Variants in NFE2L2 observed in about 807,000 individuals in gnomAD.
The protein encoded by NFE2L2 is nuclear factor erythroid 2-related factor 2.
NFE2L2 carries 20 observed loss-of-function variants against 49.6 expected under a neutral mutation model. The observed-to-expected ratio is 0.40, with a 90% CI of 0.28 to 0.59. The LOEUF is 0.59. Ranked by LOEUF, NFE2L2 falls within the 20% of genes least tolerant of loss-of-function variation. The pLI is 0.40. For missense variants in NFE2L2, 578 were observed against 714.2 expected, an observed-to-expected ratio of 0.81 and a Z score of 2.17; for synonymous variants, 244 against 256.5, an observed-to-expected ratio of 0.95 and a Z score of 0.47.
chr2:177,234,368 G>T (rs1689668648), intron 1 of NFE2L2, 97 bp from the exon 2 acceptor site: 2 of 1,326,222 alleles, frequency 1.5e-6, no homozygotes, highest in Non-Finnish European at 2.0e-6. Flanking sequence ...TTGATGGTGG[G>T]AAGTGGGGAG....
chr2:177,251,691 C>T (rs537832847), intron 1 of NFE2L2, among the ~76,000 whole-genome samples: 3 of 152,176 alleles, frequency 2.0e-5, no homozygotes, highest in South Asian at 2.1e-4. Flanking sequence ...CAAAAAAGGG[C>T]GTGAGTGTTT....
intron 1 of NFE2L2, among the ~76,000 whole-genome samples, chr2:177,250,305 G>A (rs1034194698): frequency 2.7e-4 from 41 of 152,106 alleles, no homozygotes; most frequent in Admixed American, 1.3e-4. Context: ...AAATTAACCC[G>A]GAGTTCAGAA....
intron 1 of NFE2L2, among the ~76,000 whole-genome samples, chr2:177,238,318 A>G (rs763742233): frequency 3.3e-4 from 51 of 152,338 alleles, no homozygotes; most frequent in Non-Finnish European, 5.9e-4. Flanking sequence ...CCTTACAACC[A>G]ACCCTCATGA....
At chr2:177,261,622 T>C (rs1690745912) in intron 1 of NFE2L2, among the ~76,000 whole-genome samples, 2 of 152,224 alleles carry the variant, frequency 1.3e-5, no homozygotes, top group Non-Finnish European at 2.9e-5. Context: ...TAATGCCTGA[T>C]CTAACTATTA....
At chr2:177,237,703 G>C (rs1689797307) in intron 1 of NFE2L2, among the ~76,000 whole-genome samples, 1 of 152,070 alleles carries the variant, frequency 6.6e-6, no homozygotes, top group Non-Finnish European at 1.5e-5. Flanking sequence ...ATTTTTAGTA[G>C]AGACAGGATT....
rs1238609372 is a variant in NFE2L2, at chr2:177,232,600, A to C, written c.403-17T>G. On this transcript the variant is annotated splice_polypyrimidine_tract_variant and intron_variant, in intron 3 of 4. Coordinates refer to ENST00000397062, the MANE Select transcript of NFE2L2 (RefSeq NM_006164.5). ...CGAAGAAACCTAAAATTGATAAGGC[A>C]TTGATTTATGAGTCTTCCACCAACA... is the stretch of plus-strand genomic sequence containing the variant. 4 of 1,612,176 alleles carry C rather than the reference A, an allele frequency of 2.5e-6. No homozygotes were observed. The East Asian group carries it at 8.9e-5, about 36-fold the overall frequency.
At chr2:177,233,133 C>G (rs778579226) in intron 3 of NFE2L2, 117 bp downstream of exon 3, 1 of 885,336 alleles carries the variant, frequency 1.1e-6, no homozygotes, top group Non-Finnish European at 1.7e-6. Context: ...AAATTTCCTC[C>G]TAAAAATGTT....
chr2:177,239,607 G>A (rs753196126), intron 1 of NFE2L2, among the ~76,000 whole-genome samples: 2 of 152,118 alleles, frequency 1.3e-5, no homozygotes, highest in African/African-American at 2.4e-5. Context: ...AGCCCAGGAG[G>A]TCGAGGCTGC....
intron 1 of NFE2L2, among the ~76,000 whole-genome samples, chr2:177,247,514 A>T (rs186271356): frequency 1.0e-3 from 153 of 152,134 alleles, no homozygotes; most frequent in African/African-American, 3.4e-3. Context: ...ACAAAAAATT[A>T]GCCGGGCGTG....
intron 1 of NFE2L2, among the ~76,000 whole-genome samples, chr2:177,244,601 CTG>C (rs1690059142): frequency 2.0e-5 from 3 of 152,200 alleles, no homozygotes; most frequent in Admixed American, 2.0e-4. Flanking sequence ...AACTGGCCTA[CTG>C]TGTGAATATC....
chr2:177,246,293 T>C (rs1332174553), intron 1 of NFE2L2, among the ~76,000 whole-genome samples: 1 of 152,196 alleles, frequency 6.6e-6, no homozygotes, highest in Non-Finnish European at 1.5e-5. Context: ...ATAAAGCCAG[T>C]AATTACCCCA....
intron 1 of NFE2L2, among the ~76,000 whole-genome samples, chr2:177,259,829 G>A (rs758123467): frequency 6.6e-6 from 1 of 152,138 alleles, no homozygotes; most frequent in Non-Finnish European, 1.5e-5. Context: ...CTACTCGGGA[G>A]GCTGGGGCAG....
intron 1 of NFE2L2, chr2:177,263,428 C>G: frequency 1.0e-6 from 1 of 985,470 alleles, no homozygotes; most frequent in Non-Finnish European, 1.2e-6. Context: ...AGAGAATATC[C>G]CGTCTTACAC....
At chr2:177,247,327 G>C (rs752832516) in intron 1 of NFE2L2, among the ~76,000 whole-genome samples, 9 of 151,838 alleles carry the variant, frequency 5.9e-5, no homozygotes, top group Non-Finnish European at 1.2e-4. Flanking sequence ...TTCAAAATTG[G>C]GCCCTTCCCA....
intron 3 of NFE2L2, chr2:177,232,853 C>T (rs988612029): frequency 9.9e-6 from 5 of 503,590 alleles, no homozygotes; most frequent in Non-Finnish European, 1.8e-5. Flanking sequence ...TATATAATAT[C>T]TAGCACAGTG....
In NFE2L2 at chr2:177,263,861, C is replaced by G. The variant is rs546406715; in HGVS notation, c.45+671G>C. The G allele has an allele frequency of 1.1e-5, 11 of 985,538 alleles. No homozygotes were observed. In the South Asian group the frequency reaches 3.3e-4, roughly 29 times the overall value. The allele number at this position is 985,538 out of a possible 1,614,324, so 61.0% of individuals were successfully genotyped here. A position where few individuals can be genotyped will look rare whatever the true frequency, so the allele number is the denominator to read the frequency against. On this transcript the variant is annotated intron_variant, in intron 1 of 4. Coordinates refer to ENST00000397062, the MANE Select transcript of NFE2L2 (RefSeq NM_006164.5). ...TTCTGAGCCCGCTGGGCACTTAAGG[C>G]GCTCCTCCCTCGTCCCGGGGCTGGG...
At chr2:177,262,218 A>C (rs1451777670) in intron 1 of NFE2L2, among the ~76,000 whole-genome samples, 1 of 152,252 alleles carries the variant, frequency 6.6e-6, no homozygotes, top group East Asian at 1.9e-4. Context: ...TCAGGAGATG[A>C]GAGGCCTGTC....
chr2:177,263,559 G>A (rs1239087327), intron 1 of NFE2L2: 4 of 985,108 alleles, frequency 4.1e-6, no homozygotes, highest in Non-Finnish European at 4.8e-6. Flanking sequence ...GGCGAGGTTT[G>A]CACGCTATAA....
intron 1 of NFE2L2, among the ~76,000 whole-genome samples, chr2:177,241,518 A>G (rs1398793415): frequency 6.6e-6 from 1 of 152,186 alleles, no homozygotes; most frequent in African/African-American, 2.4e-5. Flanking sequence ...TAAGAGCTAT[A>G]TGAGGCTGCA....
Sources: allele counts gnomAD v4.1 joint callset (sites outside exome capture counted in the v4.1 genomes callset), GRCh38; gene constraint gnomAD v4.1.1; transcripts MANE v1.5; gene names NCBI Gene and HGNC (gene_info 2026-07-23, HGNC 2026-07-21).